The following ZNF654 variants were observed in gnomAD, a reference collection of about 807,000 sequenced individuals.
The protein encoded by ZNF654 is melanoma-associated antigen.
In ZNF654, 19 loss-of-function variants were observed where a neutral mutation model predicts 95.3. The ratio of observed to expected loss-of-function variants is 0.20; its 90% CI spans 0.14 to 0.29. The LOEUF is 0.29. Among genes scored for constraint, ZNF654 ranks in the 10% least tolerant of loss-of-function variants. The probability of loss-of-function intolerance (pLI) is 1.00; values close to 1 mark genes in which losing one functional copy is unlikely to be tolerated. For synonymous variants in ZNF654, 413 were observed against 457.9 expected (o/e 0.90, Z 1.25); for missense variants, 1,046 against 1,341.0 (o/e 0.78, Z 3.44).
chr3:88,096,078 C>T (rs1344082021), intron 2 of ZNF654: 1 of 164,660 alleles, frequency 6.1e-6, no homozygotes, highest in Non-Finnish European at 1.3e-5. Flanking sequence ...GGGTCTAGGG[C>T]TTGGCAGACT....
intron 1 of ZNF654, among the ~76,000 whole-genome samples, chr3:88,075,220 C>A (rs1054542086): frequency 6.6e-6 from 1 of 152,224 alleles, no homozygotes; most frequent in African/African-American, 2.4e-5. Flanking sequence ...ACCACTTCTA[C>A]TAGCTGTTAT....
At chr3:88,101,632 A>G (rs1382130662) in intron 2 of ZNF654, among the ~76,000 whole-genome samples, 6 of 152,128 alleles carry the variant, frequency 3.9e-5, no homozygotes, top group Non-Finnish European at 5.9e-5. Flanking sequence ...TTGGGCTATA[A>G]ACATTTCTGT....
chr3:88,116,547 T>TATAC (rs1705407210), intron 3 of ZNF654, among the ~76,000 whole-genome samples: 1 of 95,100 alleles, frequency 1.1e-5, no homozygotes, highest in Admixed American at 1.3e-4. Context: ...AATACATACA[T>TATAC]ACATACATAT....
intron 2 of ZNF654, among the ~76,000 whole-genome samples, chr3:88,105,268 A>G (rs892385367): frequency 1.6e-4 from 19 of 120,818 alleles, no homozygotes; most frequent in African/African-American, 5.4e-4. Flanking sequence ...AAACAGATAC[A>G]TACATTTTTC....
At chr3:88,090,366 C>A (rs1708566434) in intron 2 of ZNF654, among the ~76,000 whole-genome samples, 2 of 151,252 alleles carry the variant, frequency 1.3e-5, no homozygotes, top group Non-Finnish European at 2.9e-5. Flanking sequence ...TAGTTTTTAA[C>A]AACAGCAAGA....
intron 1 of ZNF654, among the ~76,000 whole-genome samples, chr3:88,060,283 G>A (rs1246535201): frequency 9.9e-5 from 15 of 152,006 alleles, no homozygotes; most frequent in Non-Finnish European, 4.4e-5. Flanking sequence ...GTGTCTGAAC[G>A]GTGACATTAA....
chr3:88,110,733 A>AAACATAG (rs1180084446), intron 2 of ZNF654, among the ~76,000 whole-genome samples: 6 of 152,156 alleles, frequency 3.9e-5, no homozygotes, highest in African/African-American at 1.4e-4. Flanking sequence ...TTGACTATTT[A>AAACATAG]TACAGTCAAT....
At chr3:88,083,432 G>C (rs2107652947) in intron 1 of ZNF654, among the ~76,000 whole-genome samples, 1 of 152,262 alleles carries the variant, frequency 6.6e-6, no homozygotes, top group East Asian at 1.9e-4. Flanking sequence ...ATATGCTCTT[G>C]AAAGTGCTGC....
In ZNF654 at chr3:88,142,852, G is replaced by A. The variant is rs932359714; in HGVS notation, c.*1200G>A. On this transcript the variant is annotated 3_prime_UTR_variant, in exon 9 of 9. Transcript: ENST00000636215. ...TTCAAGCATTGTTTTCCTTAGTGATGTTATTTTCCTAAGAAGATTTTAACT... is the reference window on the plus strand; with the variant it reads ...TTCAAGCATTGTTTTCCTTAGTGATATTATTTTCCTAAGAAGATTTTAACT... 1.3e-5 allele frequency: 2 copies of A among 152,180 alleles called. No homozygotes were observed. Among genetic ancestry groups the A allele is most frequent in the Non-Finnish European group, 3.0e-5 (2 of 67,766 alleles). 9.4% of individuals were successfully genotyped at this position (152,180 alleles called of 1,614,324 possible).
intron 1 of ZNF654, among the ~76,000 whole-genome samples, chr3:88,077,595 C>G (rs755864587): frequency 2.0e-5 from 3 of 152,082 alleles, no homozygotes; most frequent in Non-Finnish European, 4.4e-5. Flanking sequence ...GAAAAACTTG[C>G]ATTTGTGGGA....
intron 7 of ZNF654, among the ~76,000 whole-genome samples, chr3:88,137,892 G>GAT (rs1338465918): frequency 3.6e-3 from 542 of 151,794 alleles, no homozygotes; most frequent in African/African-American, 9.9e-3. Context: ...TAGGCAGTAT[G>GAT]ATATATATAC....
chr3:88,071,729 G>C (rs529786166), intron 1 of ZNF654, among the ~76,000 whole-genome samples: 1 of 152,052 alleles, frequency 6.6e-6, no homozygotes, highest in Non-Finnish European at 1.5e-5. Flanking sequence ...ACTTGAACCC[G>C]GGAGGCAGAG....
chr3:88,118,686 TA>T (rs1353885540), intron 3 of ZNF654, among the ~76,000 whole-genome samples: 2 of 152,274 alleles, frequency 1.3e-5, no homozygotes, highest in South Asian at 4.1e-4. Context: ...TAAAAGGCTT[TA>T]AAAGAAAACA....
chr3:88,106,573 C>T (rs1384107002), intron 2 of ZNF654, among the ~76,000 whole-genome samples: 1 of 152,156 alleles, frequency 6.6e-6, no homozygotes. Context: ...AAACTCCTGA[C>T]CTCAATTGAT....
At chr3:88,093,330 G>T (rs911563400) in intron 2 of ZNF654, among the ~76,000 whole-genome samples, 6 of 152,112 alleles carry the variant, frequency 3.9e-5, no homozygotes, top group African/African-American at 2.4e-5. Flanking sequence ...TTACATAAAA[G>T]AAAAGCAAAT....
intron 1 of ZNF654, among the ~76,000 whole-genome samples, chr3:88,067,244 A>C (rs556116741): frequency 7.2e-5 from 11 of 152,222 alleles, no homozygotes; most frequent in Non-Finnish European, 1.5e-4. Context: ...AATGGGAACT[A>C]ATAGCTTGAC....
intron 1 of ZNF654, among the ~76,000 whole-genome samples, chr3:88,065,402 T>G (rs1345702988): frequency 6.6e-6 from 1 of 152,160 alleles, no homozygotes; most frequent in Admixed American, 6.5e-5. Context: ...TGACTATTAT[T>G]AGGGGAGTTA....
In ZNF654 at chr3:88,130,654, T is replaced by C. The variant is rs1205074872; in HGVS notation, c.893+828T>C. 2.7e-5 allele frequency among the ~76,000 whole-genome samples: 4 copies of C among 150,126 alleles called. No homozygotes were observed. In the East Asian group the frequency reaches 5.9e-4, roughly 22 times the overall value. On this transcript the variant is annotated intron_variant, in intron 6 of 8. Transcript: ENST00000636215. ...TTTTTTTGGTAGAGATGGGGATTCATTGTTTTGCCCAGGCCGGTTTGGAAC... is the reference window on the plus strand; with the variant it reads ...TTTTTTTGGTAGAGATGGGGATTCACTGTTTTGCCCAGGCCGGTTTGGAAC...
At chr3:88,129,607 T>C (rs1706328409) in intron 5 of ZNF654, 80 bp from the exon 6 acceptor site, 1 of 1,117,312 alleles carries the variant, frequency 9.0e-7, no homozygotes, top group Non-Finnish European at 1.2e-6. Context: ...GCAATTTCTC[T>C]TGAATGTTTA....
Sources: gnomAD v4.1 joint callset for allele counts (sites outside exome capture counted in the v4.1 genomes callset) on GRCh38, gnomAD v4.1.1 for gene constraint, MANE v1.5 for transcripts, NCBI Gene and HGNC (gene_info 2026-07-23, HGNC 2026-07-21) for gene names.